CDH2: variants seen among roughly 807,000 people sequenced by gnomAD.
The protein encoded by CDH2 is cadherin 2, also known as cadherin-2.
A neutral mutation model predicts 92.0 loss-of-function variants in CDH2; 17 were observed. The observed-to-expected ratio is 0.18, with a 90% CI of 0.13 to 0.28. The LOEUF (loss-of-function observed/expected upper bound fraction) is 0.28. CDH2 is among the 10% of genes least tolerant of loss of function. CDH2 has a pLI of 1.00. For missense variants in CDH2, 862 were observed against 1,133.1 expected (o/e 0.76, Z 3.44); for synonymous variants, 419 against 415.9 (o/e 1.01, Z -0.09).
chr18:28,083,138 G>A (rs771817834), intron 2 of CDH2, among the ~76,000 whole-genome samples: 2 of 152,060 alleles, frequency 1.3e-5, no homozygotes, highest in Non-Finnish European at 2.9e-5. Flanking sequence ...TTAGCTACTG[G>A]AGACACAGAT....
At chr18:27,997,831 G>T (rs1368154756) in intron 7 of CDH2, among the ~76,000 whole-genome samples, 1 of 151,480 alleles carries the variant, frequency 6.6e-6, no homozygotes, top group Non-Finnish European at 1.5e-5. Flanking sequence ...TTTTGAGACT[G>T]AGTCTCACTC....
At chr18:28,040,281 TTATAGC>T (rs1291018518) in intron 2 of CDH2, among the ~76,000 whole-genome samples, 19 of 152,152 alleles carry the variant, frequency 1.2e-4, no homozygotes, top group Non-Finnish European at 2.9e-5. Flanking sequence ...TACTCCTAAC[TTATAGC>T]TATGAAGCAC....
In CDH2 at chr18:28,136,019, T is replaced by A. The variant is rs891607801; in HGVS notation, c.172+11654A>T. On this transcript the variant is annotated intron_variant, in intron 2 of 15. Transcript: ENST00000269141. ...ATCTGTTGAATGAATGTACAGAATATAAAGACTTCCCAGAACCTGAGAATT... is the reference window on the plus strand; with the variant it reads ...ATCTGTTGAATGAATGTACAGAATAAAAAGACTTCCCAGAACCTGAGAATT... 2.0e-5 allele frequency among the ~76,000 whole-genome samples: 3 copies of A among 152,188 alleles called. No homozygotes were observed. The East Asian group carries it at 5.8e-4, about 29-fold the overall frequency.
chr18:28,113,480 A>G (rs2144258022), intron 2 of CDH2, among the ~76,000 whole-genome samples: 1 of 145,680 alleles, frequency 6.9e-6, no homozygotes, highest in Non-Finnish European at 1.6e-5. Flanking sequence ...AAAAGGAAAA[A>G]AAAAAAAAAG....
intron 7 of CDH2, among the ~76,000 whole-genome samples, chr18:27,995,793 T>C (rs1419456621): frequency 6.6e-6 from 1 of 151,596 alleles, no homozygotes; most frequent in Non-Finnish European, 1.5e-5. Flanking sequence ...CAAAGTACAA[T>C]ATCTCTTCAA....
intron 6 of CDH2, among the ~76,000 whole-genome samples, chr18:28,004,174 T>C (rs966959564): frequency 6.6e-6 from 1 of 151,994 alleles, no homozygotes; most frequent in East Asian, 1.9e-4. Flanking sequence ...GTGTACTTCC[T>C]TGTTTGCATG....
intron 2 of CDH2, among the ~76,000 whole-genome samples, chr18:28,024,676 T>C (rs1488954312): frequency 1.3e-5 from 2 of 151,702 alleles, no homozygotes; most frequent in Non-Finnish European, 2.9e-5. Flanking sequence ...AACTTACTGT[T>C]CTCTTTAGTA....
At position 28,005,830 on chromosome 18, in the gene CDH2, T is replaced by G; in HGVS notation, c.847+19A>C. On this transcript the variant is annotated intron_variant, in intron 6 of 15. Coordinates refer to ENST00000269141, the MANE Select transcript of CDH2 (RefSeq NM_001792.5). ...ATACTTTCCTCAAGTCATCTTCAAA[T>G]TATTATCTTTAAACTTACCAGGCTT... 1 of 1,589,100 alleles carries G rather than the reference T, an allele frequency of 6.3e-7. No homozygotes were observed. The highest frequency in any genetic ancestry group is 8.6e-7 in the Non-Finnish European group (1 of 1,163,634).
intron 2 of CDH2, among the ~76,000 whole-genome samples, chr18:28,082,864 T>C (rs1391372709): frequency 6.6e-6 from 1 of 152,202 alleles, no homozygotes; most frequent in African/African-American, 2.4e-5. Context: ...ATTTCAGCAC[T>C]GGTGGAAGGC....
chr18:28,087,977 T>C (rs1185346354), intron 2 of CDH2, among the ~76,000 whole-genome samples: 1 of 152,144 alleles, frequency 6.6e-6, no homozygotes, highest in Non-Finnish European at 1.5e-5. Flanking sequence ...AGGGAGTGAA[T>C]GTGAAATTTA....
chr18:27,957,422 G>GTT (rs11449848), intron 15 of CDH2, among the ~76,000 whole-genome samples: 43 of 143,032 alleles, frequency 3.0e-4, no homozygotes, highest in East Asian at 6.9e-4. Flanking sequence ...GCTAATTTTT[G>GTT]TTTTTTTTTG....
chr18:28,136,737 G>C (rs2015868493), intron 2 of CDH2, among the ~76,000 whole-genome samples: 1 of 152,080 alleles, frequency 6.6e-6, no homozygotes, highest in African/African-American at 2.4e-5. Flanking sequence ...TATCCAAACA[G>C]AGTGAACATA....
chr18:28,009,491 A>C (rs996857490), intron 5 of CDH2, among the ~76,000 whole-genome samples: 1 of 152,134 alleles, frequency 6.6e-6, no homozygotes, highest in African/African-American at 2.4e-5. Flanking sequence ...ATTTTAGGCA[A>C]TTTCACTTCC....
At chr18:28,147,357 C>T (rs1008783543) in intron 2 of CDH2, among the ~76,000 whole-genome samples, 1 of 151,874 alleles carries the variant, frequency 6.6e-6, no homozygotes, top group African/African-American at 2.4e-5. Flanking sequence ...CTAGATGTTT[C>T]ATATTCTTCA....
At chr18:27,937,400 A>G (rs1433404910) in intron 6 of CDH2, among the ~76,000 whole-genome samples, 2 of 152,150 alleles carry the variant, frequency 1.3e-5, no homozygotes, top group African/African-American at 4.8e-5. Flanking sequence ...TAGTTTACTC[A>G]CCGGTAAGAC....
intron 2 of CDH2, among the ~76,000 whole-genome samples, chr18:28,113,699 A>G (rs2015449700): frequency 6.6e-6 from 1 of 152,116 alleles, no homozygotes; most frequent in Non-Finnish European, 1.5e-5. Context: ...TATAAAATAC[A>G]CATAGTTTAA....
chr18:28,159,950 C>A (rs946298630), intron 1 of CDH2, among the ~76,000 whole-genome samples: 2 of 152,188 alleles, frequency 1.3e-5, no homozygotes, highest in Non-Finnish European at 2.9e-5. Context: ...AGCCACCACG[C>A]CTGGCCCCCG....
intron 2 of CDH2, among the ~76,000 whole-genome samples, chr18:28,020,277 C>G (rs2013372367): frequency 6.6e-6 from 1 of 151,950 alleles, no homozygotes; most frequent in Admixed American, 6.6e-5. Flanking sequence ...GTTACAGAAT[C>G]TTAGGTATAC....
rs117228903 is a variant in CDH2 at position 28,035,001 on chromosome 18, T to C, written c.173-21092A>G. On this transcript the variant is annotated intron_variant, in intron 2 of 15. Coordinates refer to ENST00000269141, the MANE Select transcript of CDH2 (RefSeq NM_001792.5). ...CAGGTGTAACTCTGGAAAAGAAAAT[T>C]AAGCTTTCAAGACAACTAAGGACGC... Among the ~76,000 whole-genome samples, 21 of 152,110 alleles carry C rather than the reference T, an allele frequency of 1.4e-4. 2 individuals carry two copies. In the East Asian group the frequency reaches 3.9e-3, roughly 28 times the overall value.
Sources: gnomAD v4.1 joint callset for allele counts (sites outside exome capture counted in the v4.1 genomes callset) on GRCh38, gnomAD v4.1.1 for gene constraint, MANE v1.5 for transcripts, NCBI Gene and HGNC (gene_info 2026-07-23, HGNC 2026-07-21) for gene names.